The following CD5L variants were observed in gnomAD, a reference collection of about 807,000 sequenced individuals.
CD5L encodes CD5 molecule like, also known as CD5 antigen-like.
A neutral mutation model predicts 40.8 loss-of-function variants in CD5L; 39 were observed. The ratio of observed to expected loss-of-function variants is 0.96; its 90% CI spans 0.74 to 1.25. CD5L has a LOEUF of 1.25. CD5L is among the 50% of genes most tolerant of loss of function. The pLI is 0.00. For missense variants in CD5L, 433 were observed against 435.9 expected, an observed-to-expected ratio of 0.99 and a Z score of 0.06; for synonymous variants, 192 against 169.6, an observed-to-expected ratio of 1.13 and a Z score of -1.03.
downstream of CD5L, among the ~76,000 whole-genome samples, chr1:157,829,442 T>A (rs1039576006): frequency 6.6e-6 from 1 of 152,220 alleles, no homozygotes; most frequent in African/African-American, 2.4e-5. Flanking sequence ...ACTAGACCTT[T>A]AATTGTTCTG....
At chr1:157,827,639 A>G (rs1655938733), downstream of CD5L, among the ~76,000 whole-genome samples, 1 of 152,206 alleles carries the variant, frequency 6.6e-6, no homozygotes, top group Admixed American at 6.5e-5. Flanking sequence ...GAAATGCAAC[A>G]TGCTTTACTC....
chr1:157,833,654 G>A (rs776858977), intron 4 of CD5L, 142 bp from the exon 5 acceptor site: 9 of 687,222 alleles, frequency 1.3e-5, no homozygotes, highest in Admixed American at 2.9e-5. Context: ...TGCCCAGGCT[G>A]GAGTGTAGTG....
In CD5L at chr1:157,834,855, C is replaced by T. The variant is rs1468386975; in HGVS notation, c.377-107G>A. 5.0e-6 allele frequency: 4 copies of T among 792,370 alleles called. No individual in the cohort carries two copies. The East Asian group carries it at 7.9e-5, about 16-fold the overall frequency. 49.1% of individuals were successfully genotyped at this position (792,370 alleles called of 1,614,324 possible). On this transcript the variant is annotated intron_variant, in intron 3 of 5. Transcript: ENST00000368174. Reference sequence around the variant, plus strand: ...ACAGTTCTTGGTGTTCAGTACAAGGCATGCTAAAGTGCTTAACACTGCCTC... The same window carrying T: ...ACAGTTCTTGGTGTTCAGTACAAGGTATGCTAAAGTGCTTAACACTGCCTC...
In CD5L at chr1:157,834,612, G is replaced by A. The variant is rs777033062; in HGVS notation, c.513C>T (p.Ala171=). The A allele has an allele frequency of 9.3e-6, 15 of 1,614,030 alleles. No homozygotes were observed. The highest frequency in any genetic ancestry group is 1.1e-5 in the Non-Finnish European group (13 of 1,180,042). Residue 171 remains alanine, a synonymous_variant, in exon 4 of 6, where the codon GCC becomes GCT. Transcript: ENST00000368174. ...CCAGCTGCCGGCACACCACCTTTGCGGCCCGGAGGCTCCAGCCTGTCTGGC... is the reference window on the plus strand; with the variant it reads ...CCAGCTGCCGGCACACCACCTTTGCAGCCCGGAGGCTCCAGCCTGTCTGGC... ...TVCQTGWSLR[A]AKVVCRQLGC... is the part of the protein sequence containing the mutation.
intron 2 of CD5L, among the ~76,000 whole-genome samples, chr1:157,838,060 G>T (rs949925606): frequency 4.6e-5 from 7 of 152,162 alleles, no homozygotes; most frequent in African/African-American, 1.7e-4. Flanking sequence ...ACAGGTGTGA[G>T]CCACCACGCC....
chr1:157,838,373 T>G (rs777515673), intron 2 of CD5L, among the ~76,000 whole-genome samples: 1 of 152,054 alleles, frequency 6.6e-6, no homozygotes, highest in Admixed American at 6.5e-5. Context: ...CGTAAATAAT[T>G]TGGGGGTCAT....
At chr1:157,834,886 T>C in intron 3 of CD5L, 138 bp from the exon 4 acceptor site, 1 of 573,282 alleles carries the variant, frequency 1.7e-6, no homozygotes. Flanking sequence ...GCCTCATAGA[T>C]GCCTGCTGAA....
At chr1:157,832,198 C>G (rs552852054) in intron 5 of CD5L, among the ~76,000 whole-genome samples, 2 of 152,324 alleles carry the variant, frequency 1.3e-5, no homozygotes, top group East Asian at 3.9e-4. Flanking sequence ...CATCTATCAA[C>G]ATATCTTATC....
At chr1:157,830,340 C>A (rs1656013481), downstream of CD5L, among the ~76,000 whole-genome samples, 1 of 143,006 alleles carries the variant, frequency 7.0e-6, no homozygotes, top group Non-Finnish European at 1.6e-5. Context: ...TTGAGCTTTG[C>A]AATGTCAGAA....
At chr1:157,837,953 T>A (rs1656265325) in intron 2 of CD5L, among the ~76,000 whole-genome samples, 1 of 151,934 alleles carries the variant, frequency 6.6e-6, no homozygotes, top group African/African-American at 2.4e-5. Flanking sequence ...TTTTTTTGTA[T>A]TTTTAGTAGA....
At chr1:157,829,190 T>G (rs894217148), downstream of CD5L, among the ~76,000 whole-genome samples, 4 of 152,262 alleles carry the variant, frequency 2.6e-5, no homozygotes, top group Admixed American at 2.0e-4. Context: ...GACCAGATCA[T>G]GCACAGGCAT....
chr1:157,839,755 AAG>A (rs1224964768), intron 1 of CD5L, among the ~76,000 whole-genome samples: 1 of 152,230 alleles, frequency 6.6e-6, no homozygotes, highest in Non-Finnish European at 1.5e-5. Flanking sequence ...CTCAACAGGA[AAG>A]AGTGCTGGAG....
rs375428623 is a variant in CD5L at position 157,831,971 on chromosome 1, A to T, written c.1040-3T>A. On this transcript the variant is annotated splice_region_variant and splice_polypyrimidine_tract_variant and intron_variant, in intron 5 of 5. Transcript: ENST00000368174. The stretch of plus-strand genomic sequence containing the variant: ...TCAAGCAACACCAGGATACTATCCT[A>T]TAAAGAGAAGAGGAAAATGCAGTAA... The T allele has an allele frequency of 2.5e-6, 4 of 1,588,236 alleles. No individual in the cohort carries two copies. The South Asian group carries it at 3.5e-5, about 14-fold the overall frequency.
chr1:157,835,187 C>G (rs1490419609), intron 3 of CD5L, among the ~76,000 whole-genome samples: 1 of 152,110 alleles, frequency 6.6e-6, no homozygotes. Flanking sequence ...AATGTCAAGG[C>G]AAAAAGTGAC....
rs1656150153 is a variant in CD5L at position 157,834,685 on chromosome 1, C to T, written c.440G>A (p.Cys147Tyr). The T allele has an allele frequency of 6.2e-7, 1 of 1,614,188 alleles. No homozygotes were observed. Residue 147 changes from cysteine (C) to tyrosine (Y), a missense_variant, in exon 4 of 6, where the codon TGC becomes TAC. Physicochemically the swap from Cys to Tyr is radical, Grantham distance 194 (BLOSUM62 -2). Coordinates refer to ENST00000368174, the MANE Select transcript of CD5L (RefSeq NM_005894.3). Reference sequence around the variant, plus strand: ...GTGCTTCACTTCCACGCGTCCCTTGCAATGCCCAGGGCCGTCAGCCAGCCT... The same window carrying T: ...GTGCTTCACTTCCACGCGTCCCTTGTAATGCCCAGGGCCGTCAGCCAGCCT... ...GVRLADGPGHCKGRVEVKHQN... is the reference protein window; with the variant it reads ...GVRLADGPGHYKGRVEVKHQN...
chr1:157,837,321 C>A (rs1656244896), intron 2 of CD5L, among the ~76,000 whole-genome samples: 1 of 151,516 alleles, frequency 6.6e-6, no homozygotes, highest in South Asian at 2.1e-4. Context: ...CAGGGAAGAG[C>A]CTATTAGACA....
At chr1:157,841,564 T>C in intron 1 of CD5L, 110 bp downstream of exon 1, 4 of 894,810 alleles carry the variant, frequency 4.5e-6, no homozygotes, top group Non-Finnish European at 7.0e-6. Flanking sequence ...AGGAAGAAGC[T>C]CATCCTTGAA....
Position 157,831,901 on chromosome 1 carries a change from G to A in CD5L, c.*63C>T. ...CAGAATGAGTATGAGGATAATCAGG[G>A]CTCAGGAGAACAAGCAGAGGGCAGG... On this transcript the variant is annotated 3_prime_UTR_variant, in exon 6 of 6. Coordinates refer to ENST00000368174, the MANE Select transcript of CD5L (RefSeq NM_005894.3). 2 of 1,542,150 alleles carry A rather than the reference G, an allele frequency of 1.3e-6. No individual in the cohort carries two copies. Among genetic ancestry groups the A allele is most frequent in the Admixed American group, 2.1e-5 (1 of 48,316 alleles).
chr1:157,840,805 A>G (rs1256760206), intron 1 of CD5L, among the ~76,000 whole-genome samples: 2 of 152,190 alleles, frequency 1.3e-5, no homozygotes, highest in African/African-American at 4.8e-5. Flanking sequence ...TGAGCCTGGA[A>G]GACCCAGTAG....
Sources: allele counts gnomAD v4.1 joint callset (sites outside exome capture counted in the v4.1 genomes callset), GRCh38; gene constraint gnomAD v4.1.1; transcripts MANE v1.5; gene names NCBI Gene and HGNC (gene_info 2026-07-23, HGNC 2026-07-21).